CSMD1: variants seen among roughly 807,000 people sequenced by gnomAD.
The protein encoded by CSMD1 is CUB and Sushi multiple domains 1.
A neutral mutation model predicts 417.5 loss-of-function variants in CSMD1; 213 were observed. That is an observed-to-expected ratio of 0.51 (90% CI 0.46 to 0.57). CSMD1 has a LOEUF of 0.57. CSMD1 is among the 20% of genes least tolerant of loss of function. CSMD1 has a pLI of 0.00. For synonymous variants in CSMD1, 2,862 were observed against 1,736.8 expected (o/e 1.65, Z -16.11); for missense variants, 6,923 against 4,529.7 (o/e 1.53, Z -15.17).
intron 2 of CSMD1, among the ~76,000 whole-genome samples, chr8:4,477,979 C>T (rs898373124): frequency 1.3e-5 from 2 of 152,150 alleles, no homozygotes; most frequent in African/African-American, 2.4e-5. Flanking sequence ...CATTTCTATC[C>T]ATGCAGAAAA....
At chr8:3,976,924 T>C (rs886647893) in intron 5 of CSMD1, among the ~76,000 whole-genome samples, 12 of 152,334 alleles carry the variant, frequency 7.9e-5, no homozygotes, top group African/African-American at 2.6e-4. Flanking sequence ...GCCATTTACA[T>C]AGTGTCTAGT....
intron 1 of CSMD1, among the ~76,000 whole-genome samples, chr8:4,812,129 C>T (rs1798943343): frequency 6.6e-6 from 1 of 152,162 alleles, no homozygotes; most frequent in South Asian, 2.1e-4. Flanking sequence ...GAGAACACAA[C>T]CAATTATGCC....
chr8:4,288,897 A>T (rs936584861), intron 3 of CSMD1, among the ~76,000 whole-genome samples: 2 of 152,188 alleles, frequency 1.3e-5, no homozygotes, highest in Non-Finnish European at 2.9e-5. Context: ...TTACTTAACA[A>T]CTACTTTTAA....
At chr8:3,937,310 C>T (rs374788018) in intron 5 of CSMD1, among the ~76,000 whole-genome samples, 3 of 152,138 alleles carry the variant, frequency 2.0e-5, no homozygotes, top group Non-Finnish European at 4.4e-5. Context: ...AGGTATAATG[C>T]TTCTTAACCA....
At chr8:3,534,117 C>T (rs1798092397) in intron 10 of CSMD1, among the ~76,000 whole-genome samples, 1 of 152,118 alleles carries the variant, frequency 6.6e-6, no homozygotes. Context: ...CCCATATTCC[C>T]CGCTCTCACT....
intron 7 of CSMD1, among the ~76,000 whole-genome samples, chr8:3,619,442 G>C (rs1802309829): frequency 1.3e-5 from 2 of 151,938 alleles, no homozygotes; most frequent in African/African-American, 4.8e-5. Context: ...CATTCAAAGG[G>C]TCGAAATAAA....
At chr8:3,695,116 G>GTGTGTGTGTGTGTGTGTGTGT (rs61279256) in intron 7 of CSMD1, among the ~76,000 whole-genome samples, 1 of 150,866 alleles carries the variant, frequency 6.6e-6, no homozygotes, top group Admixed American at 6.6e-5. Context: ...GTGTGTGTGT[G>GTGTGTGTGTGTGTGTGTGTGT]GTTATTGAAG....
At chr8:3,188,855 C>A in intron 35 of CSMD1, 32 bp downstream of exon 35, 3 of 1,469,084 alleles carry the variant, frequency 2.0e-6, no homozygotes, top group South Asian at 1.4e-5. Flanking sequence ...CCAGCTGAGC[C>A]CTGTTGTAGA....
At chr8:4,286,587 A>G (rs150836772) in intron 3 of CSMD1, among the ~76,000 whole-genome samples, 1 of 152,272 alleles carries the variant, frequency 6.6e-6, no homozygotes, top group African/African-American at 2.4e-5. Context: ...CCAGCACCTG[A>G]TAGCCTCATC....
chr8:4,138,558 G>C (rs1803580626), intron 3 of CSMD1, among the ~76,000 whole-genome samples: 1 of 151,962 alleles, frequency 6.6e-6, no homozygotes, highest in Non-Finnish European at 1.5e-5. Flanking sequence ...ATCTAAGAAA[G>C]AATCCCCTGG....
chr8:2,937,957 G>C lies in CSMD1; in HGVS notation c.*628C>G, dbSNP rs989492063. On this transcript the variant is annotated 3_prime_UTR_variant, in exon 70 of 70. Coordinates refer to ENST00000635120, the MANE Select transcript of CSMD1 (RefSeq NM_033225.6). Reference sequence around the variant, plus strand: ...CAAAAAATTGTGCATTAAACATTCTGCGACAGAACAGCTGACTGGGAAATT... The same window carrying C: ...CAAAAAATTGTGCATTAAACATTCTCCGACAGAACAGCTGACTGGGAAATT... 6.6e-6 allele frequency: 1 copy of C among 152,568 alleles called. No homozygotes were observed. Among genetic ancestry groups the C allele is most frequent in the Non-Finnish European group, 1.5e-5 (1 of 68,040 alleles). The allele number at this position is 152,568 out of a possible 1,614,324, so 9.5% of individuals were successfully genotyped here.
At chr8:3,770,148 C>A (rs1240780853) in intron 5 of CSMD1, among the ~76,000 whole-genome samples, 1 of 152,242 alleles carries the variant, frequency 6.6e-6, no homozygotes, top group African/African-American at 2.4e-5. Flanking sequence ...AGGCTACCTG[C>A]AGCCCTGGCC....
At chr8:3,875,498 G>T (rs1267920129) in intron 5 of CSMD1, among the ~76,000 whole-genome samples, 1 of 152,096 alleles carries the variant, frequency 6.6e-6, no homozygotes, top group Non-Finnish European at 1.5e-5. Context: ...CACTGGCATG[G>T]AGAGGTGGAG....
intron 7 of CSMD1, among the ~76,000 whole-genome samples, chr8:3,640,958 G>A (rs748915276): frequency 3.3e-5 from 5 of 149,926 alleles, no homozygotes; most frequent in Admixed American, 6.6e-5. Flanking sequence ...CGACAAAATC[G>A]TATGTTAAAT....
chr8:3,498,469 C>T (rs923425981), intron 10 of CSMD1, among the ~76,000 whole-genome samples: 5 of 152,152 alleles, frequency 3.3e-5, no homozygotes, highest in East Asian at 1.9e-4. Flanking sequence ...GATTATAATG[C>T]TCTTTGGAGA....
chr8:4,937,358 C>T (rs1807690890), intron 1 of CSMD1, among the ~76,000 whole-genome samples: 1 of 152,114 alleles, frequency 6.6e-6, no homozygotes, highest in Non-Finnish European at 1.5e-5. Context: ...GAAAGCACAC[C>T]TGCTGGGACT....
intron 1 of CSMD1, among the ~76,000 whole-genome samples, chr8:4,944,715 G>C (rs1283618393): frequency 1.3e-5 from 2 of 152,064 alleles, no homozygotes; most frequent in Non-Finnish European, 2.9e-5. Context: ...GATGACTACT[G>C]TCGAAAAGAA....
At chr8:4,094,247 T>C (rs931330299) in intron 3 of CSMD1, among the ~76,000 whole-genome samples, 3 of 151,964 alleles carry the variant, frequency 2.0e-5, no homozygotes, top group Non-Finnish European at 2.9e-5. Context: ...ACAAGTTGAC[T>C]GTTTGTAAAT....
chr8:4,431,117 G>A (rs1043177155), intron 2 of CSMD1, among the ~76,000 whole-genome samples: 2 of 151,992 alleles, frequency 1.3e-5, no homozygotes, highest in African/African-American at 2.4e-5. Flanking sequence ...CAGACCACAT[G>A]ACTGTAGAAA....
Sources: gnomAD v4.1 joint callset for allele counts (sites outside exome capture counted in the v4.1 genomes callset) on GRCh38, gnomAD v4.1.1 for gene constraint, MANE v1.5 for transcripts, NCBI Gene and HGNC (gene_info 2026-07-23, HGNC 2026-07-21) for gene names.